The following BCAR3 variants were observed in gnomAD, a reference collection of about 807,000 sequenced individuals.
BCAR3 encodes the protein breast cancer anti-estrogen resistance protein 3.
A neutral mutation model predicts 80.1 loss-of-function variants in BCAR3; 37 were observed. The observed-to-expected ratio is 0.46, with a 90% CI of 0.36 to 0.61. The LOEUF (loss-of-function observed/expected upper bound fraction) is 0.61. Ranked by LOEUF, BCAR3 falls within the 20% of genes least tolerant of loss-of-function variation. The pLI, the probability that BCAR3 is intolerant of heterozygous loss-of-function variation, is 0.00. For missense variants in BCAR3, 978 were observed against 1,068.2 expected, an observed-to-expected ratio of 0.92 and a Z score of 1.18; for synonymous variants, 389 against 418.9, an observed-to-expected ratio of 0.93 and a Z score of 0.87.
At chr1:93,720,667 T>C (rs1175841337) in intron 2 of BCAR3, among the ~76,000 whole-genome samples, 1 of 152,216 alleles carries the variant, frequency 6.6e-6, no homozygotes, top group African/African-American at 2.4e-5. Flanking sequence ...GTTTGTTTTT[T>C]CCTAATAAAA....
rs1307830073 is a variant in BCAR3, at chr1:93,681,777, C to T, written c.-191G>A. ...CCCGCGCGCGTCTAGCCGGTGCGCC[C>T]CGCAGCTCCGGCTCCGGTCCCGGCC... On this transcript the variant is annotated 5_prime_UTR_variant, in exon 1 of 12. Coordinates refer to ENST00000260502, the MANE Select transcript of BCAR3 (RefSeq NM_003567.4). 6.6e-6 allele frequency: 1 copy of T among 151,994 alleles called. No homozygotes were observed. Among genetic ancestry groups the T allele is most frequent in the Non-Finnish European group, 1.5e-5 (1 of 68,022 alleles). The allele number at this position is 151,994 out of a possible 1,614,324, so 9.4% of individuals were successfully genotyped here. A position where few individuals can be genotyped will look rare whatever the true frequency, so the allele number is the denominator to read the frequency against.
intron 2 of BCAR3, among the ~76,000 whole-genome samples, chr1:93,671,154 A>G (rs1648184494): frequency 6.6e-6 from 1 of 152,034 alleles, no homozygotes; most frequent in African/African-American, 2.4e-5. Flanking sequence ...CAATATGCCC[A>G]GCTAATTTTT....
At chr1:93,704,869 C>T (rs748148588) in intron 3 of BCAR3, among the ~76,000 whole-genome samples, 9 of 152,150 alleles carry the variant, frequency 5.9e-5, no homozygotes, top group Non-Finnish European at 1.3e-4. Flanking sequence ...GTTTACTTAC[C>T]TTCAAGGACT....
intron 2 of BCAR3, among the ~76,000 whole-genome samples, chr1:93,796,651 TGTTCCTATTCGGCC>T (rs1653284336): frequency 1.3e-5 from 2 of 152,194 alleles, no homozygotes; most frequent in Admixed American, 6.5e-5. Flanking sequence ...AGACTGGAGC[TGTTCCTATTCGGCC>T]ATCTTGGCTC....
intron 3 of BCAR3, 111 bp downstream of exon 3, chr1:93,642,193 T>C (rs1213887629): frequency 1.6e-6 from 2 of 1,256,814 alleles, no homozygotes; most frequent in South Asian, 2.5e-5. Context: ...TTGGAGAGTC[T>C]AATCAGCTTT....
At chr1:93,708,254 C>A (rs1225486282) in intron 2 of BCAR3, among the ~76,000 whole-genome samples, 1 of 152,224 alleles carries the variant, frequency 6.6e-6, no homozygotes, top group Admixed American at 6.5e-5. Context: ...CAGGCCACTT[C>A]TCATCCTGCT....
chr1:93,649,653 G>A (rs910362737), intron 2 of BCAR3, among the ~76,000 whole-genome samples: 2 of 151,898 alleles, frequency 1.3e-5, no homozygotes, highest in Admixed American at 1.3e-4. Flanking sequence ...AGAATGACTT[G>A]TTCAGCACCT....
intron 5 of BCAR3, among the ~76,000 whole-genome samples, chr1:93,585,742 T>C (rs561745551): frequency 6.6e-6 from 1 of 152,160 alleles, no homozygotes; most frequent in Non-Finnish European, 1.5e-5. Context: ...TGCCCTGAGT[T>C]TTTTTGTTTG....
At chr1:93,697,846 C>T (rs563846868) in intron 3 of BCAR3, among the ~76,000 whole-genome samples, 1 of 152,214 alleles carries the variant, frequency 6.6e-6, no homozygotes, top group East Asian at 1.9e-4. Context: ...GGCATGGTGG[C>T]GCATGCCTGT....
chr1:93,822,457 A>G (rs887955748), intron 2 of BCAR3, among the ~76,000 whole-genome samples: 8 of 151,812 alleles, frequency 5.3e-5, no homozygotes, highest in African/African-American at 1.7e-4. Flanking sequence ...CTCTTGCCTC[A>G]GCCTCCAAAG....
In BCAR3 at chr1:93,817,858, T is replaced by C. The variant is rs375970687; in HGVS notation, c.-63+27709A>G. 6.4e-4 allele frequency among the ~76,000 whole-genome samples: 97 copies of C among 152,270 alleles called. 2 individuals carry two copies. In the South Asian group the frequency reaches 0.02, roughly 31 times the overall value. On this transcript the variant is annotated intron_variant, in intron 2 of 13. Transcript: ENST00000370244. Reference sequence around the variant, plus strand: ...CACAGCACTTTTTGCCAAGGGGCTCTCCTCCTCCCTGCTTTCCCACCCTCC... The same window carrying C: ...CACAGCACTTTTTGCCAAGGGGCTCCCCTCCTCCCTGCTTTCCCACCCTCC...
At chr1:93,719,821 T>C (rs1650330841) in intron 2 of BCAR3, among the ~76,000 whole-genome samples, 1 of 152,210 alleles carries the variant, frequency 6.6e-6, no homozygotes, top group Admixed American at 6.5e-5. Context: ...TCTCTGATCC[T>C]TCTGGGAAGA....
At chr1:93,733,093 T>G (rs1001173638) in intron 2 of BCAR3, among the ~76,000 whole-genome samples, 2 of 152,196 alleles carry the variant, frequency 1.3e-5, no homozygotes, top group Non-Finnish European at 2.9e-5. Flanking sequence ...AATTTGGGAC[T>G]ATGGATCCTT....
At chr1:93,846,747 G>A (rs1332666521) in intron 1 of BCAR3, 2 of 401,394 alleles carry the variant, frequency 5.0e-6, no homozygotes, top group African/African-American at 2.2e-5. Flanking sequence ...CGGGCCCCGG[G>A]CGCGCGGGCT....
intron 3 of BCAR3, among the ~76,000 whole-genome samples, chr1:93,698,407 A>AT (rs904309432): frequency 4.6e-5 from 7 of 152,206 alleles, no homozygotes; most frequent in Admixed American, 1.3e-4. Flanking sequence ...GGATCTGGTG[A>AT]TAGATGACAA....
At chr1:93,666,637 C>T (rs1459300195) in intron 2 of BCAR3, among the ~76,000 whole-genome samples, 2 of 152,160 alleles carry the variant, frequency 1.3e-5, no homozygotes, top group African/African-American at 2.4e-5. Context: ...AAATACGCAT[C>T]GAAGAATAAA....
intron 2 of BCAR3, among the ~76,000 whole-genome samples, chr1:93,667,126 C>T (rs1018310492): frequency 1.3e-5 from 2 of 152,232 alleles, no homozygotes; most frequent in African/African-American, 4.8e-5. Flanking sequence ...AGTCAGGCTG[C>T]TGGAATCAGC....
At chr1:93,585,288 G>T in intron 5 of BCAR3, 1 of 820,662 alleles carries the variant, frequency 1.2e-6, no homozygotes, top group Non-Finnish European at 1.5e-6. Context: ...AGGACACTGG[G>T]GCAGGGCAGC....
chr1:93,822,106 T>C (rs1050714555), intron 2 of BCAR3, among the ~76,000 whole-genome samples: 6 of 151,688 alleles, frequency 4.0e-5, no homozygotes, highest in Admixed American at 3.9e-4. Context: ...AGAAACAGTG[T>C]GGGCAAAGGC....
Sources: gnomAD v4.1 joint callset for allele counts (sites outside exome capture counted in the v4.1 genomes callset) on GRCh38, gnomAD v4.1.1 for gene constraint, MANE v1.5 for transcripts, NCBI Gene and HGNC (gene_info 2026-07-23, HGNC 2026-07-21) for gene names.